The following INSC variants were observed in gnomAD, a reference collection of about 807,000 sequenced individuals.
INSC encodes the protein protein inscuteable homolog.
Under a neutral mutation model 58.6 loss-of-function variants are expected in INSC, and 67 were observed. The ratio of observed to expected loss-of-function variants is 1.14; its 90% CI spans 0.94 to 1.40. The LOEUF (loss-of-function observed/expected upper bound fraction) is 1.40. Among genes scored for constraint, INSC ranks in the 40% most tolerant of loss-of-function variants. The pLI, the probability that INSC is intolerant of heterozygous loss-of-function variation, is 0.00. For missense variants in INSC, 714 were observed against 692.0 expected (o/e 1.03, Z -0.36); for synonymous variants, 262 against 276.1 (o/e 0.95, Z 0.51).
chr11:15,230,747 ATTCATGTAATCCCTGGGG>A (rs1214800062), intron 9 of INSC, among the ~76,000 whole-genome samples: 1 of 152,222 alleles, frequency 6.6e-6, no homozygotes, highest in Non-Finnish European at 1.5e-5. Flanking sequence ...ACAGCCCAAC[ATTCATGTAATCCCTGGGG>A]CGAGGGAGCT....
intron 10 of INSC, 23 bp downstream of exon 10, chr11:15,235,691 A>C (rs765528584): frequency 6.3e-7 from 1 of 1,587,336 alleles, no homozygotes; most frequent in Non-Finnish European, 8.6e-7. Context: ...AGCATTGTAC[A>C]TGTTATGTGG....
chr11:15,256,491 A>AGTT, the INSC span, among the ~76,000 whole-genome samples: 162 of 141,990 alleles, frequency 1.1e-3, 9 homozygotes, highest in African/African-American at 1.1e-3. Flanking sequence ...ATTTCATTTC[A>AGTT]TTTTTTTTTT....
chr11:15,260,842 G>T, the INSC span, among the ~76,000 whole-genome samples: 1 of 152,108 alleles, frequency 6.6e-6, no homozygotes, highest in African/African-American at 2.4e-5. Context: ...TGCTCTGGGA[G>T]CACCTCTTAT....
intron 9 of INSC, among the ~76,000 whole-genome samples, chr11:15,226,176 A>G (rs553222732): frequency 6.6e-6 from 1 of 151,872 alleles, no homozygotes; most frequent in African/African-American, 2.4e-5. Context: ...CAGATTGCCT[A>G]TTCTGGGAGG....
At chr11:15,222,861 A>AGTC (rs1182320149) in intron 8 of INSC, among the ~76,000 whole-genome samples, 1 of 152,216 alleles carries the variant, frequency 6.6e-6, no homozygotes, top group Non-Finnish European at 1.5e-5. Context: ...CATTGTTGAA[A>AGTC]GTCTTGGCTC....
chr11:15,218,384 A>G (rs999506873), intron 7 of INSC, among the ~76,000 whole-genome samples: 2 of 152,234 alleles, frequency 1.3e-5, no homozygotes, highest in Admixed American at 1.3e-4. Context: ...TAATATGCAT[A>G]AAACTCAGAG....
upstream of INSC, among the ~76,000 whole-genome samples, chr11:15,111,935 TC>T (rs1257752762): frequency 2.0e-5 from 3 of 152,190 alleles, no homozygotes; most frequent in African/African-American, 7.2e-5. Flanking sequence ...CTAGTACTGT[TC>T]TAAGGATTAG....
intron 12 of INSC, among the ~76,000 whole-genome samples, chr11:15,241,277 T>C (rs1252620234): frequency 2.6e-5 from 4 of 152,216 alleles, no homozygotes; most frequent in Non-Finnish European, 5.9e-5. Context: ...AAGAAAGTGC[T>C]GGCTCTTGTG....
chr11:15,159,663 C>T (rs1848946209), intron 2 of INSC, among the ~76,000 whole-genome samples: 1 of 152,202 alleles, frequency 6.6e-6, no homozygotes. Context: ...CACTGATGAG[C>T]TGGGTTCAGA....
chr11:15,197,584 G>T (rs1227424905), intron 6 of INSC, among the ~76,000 whole-genome samples: 1 of 152,060 alleles, frequency 6.6e-6, no homozygotes, highest in Non-Finnish European at 1.5e-5. Context: ...TGTTTGTTTG[G>T]GTCCTTCATC....
intron 9 of INSC, among the ~76,000 whole-genome samples, chr11:15,233,956 C>A (rs572173089): frequency 1.8e-4 from 28 of 152,342 alleles, no homozygotes; most frequent in Non-Finnish European, 2.8e-4. Flanking sequence ...TCTTGGGGAA[C>A]TTTCCAACCC....
intron 7 of INSC, among the ~76,000 whole-genome samples, chr11:15,209,814 T>C (rs1363992570): frequency 2.0e-5 from 3 of 152,138 alleles, no homozygotes; most frequent in African/African-American, 2.4e-5. Flanking sequence ...GAGACCAGAA[T>C]GCAGAATGTC....
At chr11:15,221,719 G>T in intron 8 of INSC, 71 bp downstream of exon 8, 1 of 1,442,474 alleles carries the variant, frequency 6.9e-7, no homozygotes, top group South Asian at 1.4e-5. Context: ...AAATAGCCAG[G>T]AAGGCCTTCC....
upstream of INSC, chr11:15,112,612 GTGTGT>G (rs1847594558): frequency 1.4e-6 from 1 of 735,098 alleles, no homozygotes; most frequent in African/African-American, 2.1e-5. Context: ...GTGTGTGTGT[GTGTGT>G]GTGTGTGTGT....
chr11:15,141,501 C>T (rs1848370199), intron 1 of INSC, among the ~76,000 whole-genome samples: 1 of 152,166 alleles, frequency 6.6e-6, no homozygotes, highest in South Asian at 2.1e-4. Flanking sequence ...ACTTGTTGGG[C>T]TCTGACACCT....
At chr11:15,116,991 G>A (rs1440702147) in intron 1 of INSC, among the ~76,000 whole-genome samples, 1 of 145,602 alleles carries the variant, frequency 6.9e-6, no homozygotes, top group Non-Finnish European at 1.5e-5. Flanking sequence ...CGCCCAGGCT[G>A]GAGTGCAGTG....
chr11:15,124,924 G>A (rs1048625966), intron 1 of INSC, among the ~76,000 whole-genome samples: 9 of 152,104 alleles, frequency 5.9e-5, no homozygotes, highest in Non-Finnish European at 1.2e-4. Flanking sequence ...TACCTAGTAG[G>A]TGCCATGTTT....
At chr11:15,212,514 C>T (rs999579654) in intron 7 of INSC, among the ~76,000 whole-genome samples, 4 of 152,240 alleles carry the variant, frequency 2.6e-5, no homozygotes, top group Non-Finnish European at 5.9e-5. Context: ...CATCTCTCTA[C>T]ATCATACAAA....
chr11:15,179,485 C>G lies in INSC; in HGVS notation c.579+1038C>G, dbSNP rs150545539. On this transcript the variant is annotated intron_variant, in intron 5 of 12. Coordinates refer to ENST00000379556, the MANE Select transcript of INSC (RefSeq NM_001042536.3). Reference sequence around the variant, plus strand: ...CTGCCGAGCCCAGGGTTTGCTTTCTCTCCTTCCTGAGTGTTTGGTTGGTTT... The same window carrying G: ...CTGCCGAGCCCAGGGTTTGCTTTCTGTCCTTCCTGAGTGTTTGGTTGGTTT... Among the ~76,000 whole-genome samples the G allele has an allele frequency of 4.6e-5, 7 of 152,352 alleles. No individual in the cohort carries two copies. The East Asian group carries it at 1.4e-3, about 29-fold the overall frequency.
Sources: allele counts gnomAD v4.1 joint callset (sites outside exome capture counted in the v4.1 genomes callset), GRCh38; gene constraint gnomAD v4.1.1; transcripts MANE v1.5; gene names NCBI Gene and HGNC (gene_info 2026-07-23, HGNC 2026-07-21).